Variants in FRMD8 observed in about 807,000 individuals in gnomAD.
FRMD8 encodes the protein FERM domain-containing protein 8.
Under a neutral mutation model 54.2 loss-of-function variants are expected in FRMD8, and 37 were observed. The ratio of observed to expected loss-of-function variants is 0.68; its 90% CI spans 0.53 to 0.90. The LOEUF is 0.90. Among genes scored for constraint, FRMD8 ranks in the 40% least tolerant of loss-of-function variants. FRMD8 has a pLI of 0.00. For missense variants in FRMD8, 585 were observed against 653.7 expected (o/e 0.89, Z 1.15); for synonymous variants, 246 against 286.9 (o/e 0.86, Z 1.44).
At chr11:65,394,799 C>T (rs1448352975) in intron 6 of FRMD8, among the ~76,000 whole-genome samples, 4 of 152,170 alleles carry the variant, frequency 2.6e-5, no homozygotes, top group African/African-American at 7.2e-5. Flanking sequence ...AGGCGGTCGG[C>T]AAGCTGGCTG....
chr11:65,385,736 G>A (rs139263439), upstream of FRMD8, among the ~76,000 whole-genome samples: 2,895 of 152,180 alleles, frequency 0.019, 43 homozygotes, highest in Middle Eastern at 0.065. Flanking sequence ...AAGGGCTCAT[G>A]TCACTGCTCC....
intron 10 of FRMD8, among the ~76,000 whole-genome samples, chr11:65,407,167 T>G (rs1856218444): frequency 6.6e-6 from 1 of 152,100 alleles, no homozygotes; most frequent in Non-Finnish European, 1.5e-5. Flanking sequence ...CTTTACAGCT[T>G]TCCTAGAAAT....
intron 3 of FRMD8, among the ~76,000 whole-genome samples, chr11:65,392,415 T>C (rs553344139): frequency 6.6e-6 from 1 of 152,176 alleles, no homozygotes; most frequent in African/African-American, 2.4e-5. Flanking sequence ...TCGGGAAGCT[T>C]GGAGCAAGCG....
intron 3 of FRMD8, 67 bp downstream of exon 3, chr11:65,389,595 G>A (rs1273729715): frequency 4.1e-6 from 6 of 1,465,282 alleles, no homozygotes; most frequent in Middle Eastern, 1.8e-4. Context: ...CAGGAGGGAG[G>A]GGGCAGTGTT....
rs368753100 is a variant in FRMD8 at position 65,404,825 on chromosome 11, G to C, written c.1072-39G>C. 2.1e-5 allele frequency: 33 copies of C among 1,552,590 alleles called. No homozygotes were observed. The African/African-American group carries it at 3.9e-4, about 18-fold the overall frequency. On this transcript the variant is annotated intron_variant, in intron 9 of 10. Transcript: ENST00000317568. This position sits in a 1 kb window ranked among gnomAD's most constrained non-coding sequence, Gnocchi z 4.7. Reference sequence around the variant, plus strand: ...CAGGCTCAGCAACAGGCATGGAAGGGGGCCCTGGCCAGGCCTCACACTGCC... The same window carrying C: ...CAGGCTCAGCAACAGGCATGGAAGGCGGCCCTGGCCAGGCCTCACACTGCC...
the FRMD8 span, chr11:65,375,127 G>A: frequency 9.8e-3 from 1,497 of 152,404 alleles, 13 homozygotes; most frequent in Non-Finnish European, 0.014. Context: ...ACAGAAAGCT[G>A]TGTGGCAAGA....
the FRMD8 span, among the ~76,000 whole-genome samples, chr11:65,374,360 A>ATGTGCCCAGGTGG: frequency 3.3e-5 from 5 of 152,028 alleles, no homozygotes; most frequent in African/African-American, 4.8e-5. Context: ...CAGGGTAGCT[A>ATGTGCCCAGGTGG]AGTAACTGGA....
chr11:65,413,276 C>G lies in FRMD8; in HGVS notation c.*1916C>G, dbSNP rs527955525. 1 of 152,374 alleles carries G rather than the reference C, an allele frequency of 6.6e-6. No individual in the cohort carries two copies. Among genetic ancestry groups the G allele is most frequent in the African/African-American group, 2.4e-5 (1 of 41,558 alleles). The allele number at this position is 152,374 out of a possible 1,614,324, so 9.4% of individuals were successfully genotyped here. A position where few individuals can be genotyped will look rare whatever the true frequency, so the allele number is the denominator to read the frequency against. ...TGCTGGGATTATAGGCGTGAGCCAC[C>G]GCCCCCAGCTGATTCCAGGCGAATT... On this transcript the variant is annotated 3_prime_UTR_variant, in exon 11 of 11. Transcript: ENST00000317568.
the FRMD8 span, chr11:65,376,657 A>C: frequency 1.2e-6 from 2 of 1,613,872 alleles, no homozygotes; most frequent in Non-Finnish European, 1.7e-6. Context: ...GCCCCCTGCC[A>C]CCAGCACCGT....
At chr11:65,388,468 G>C (rs1050148136) in intron 2 of FRMD8, among the ~76,000 whole-genome samples, 7 of 152,160 alleles carry the variant, frequency 4.6e-5, no homozygotes, top group African/African-American at 1.7e-4. Flanking sequence ...AGGAGTATTA[G>C]CTCTACTTTT....
At chr11:65,380,774 G>A in the FRMD8 span, 16 of 355,816 alleles carry the variant, frequency 4.5e-5, no homozygotes, top group Admixed American at 1.2e-4. Context: ...GGTTCAGAAC[G>A]TCCCTCTCTT....
At chr11:65,387,864 T>G (rs1590645621) in intron 2 of FRMD8, among the ~76,000 whole-genome samples, 1 of 151,784 alleles carries the variant, frequency 6.6e-6, no homozygotes, top group Admixed American at 6.6e-5. Flanking sequence ...CCAAACAGCC[T>G]TTTGAAAGCA....
chr11:65,389,302 G>T, intron 2 of FRMD8, 59 bp from the exon 3 acceptor site: 9 of 1,570,558 alleles, frequency 5.7e-6, no homozygotes, highest in Admixed American at 1.7e-5. Flanking sequence ...TGCCTGGTTG[G>T]CCTGGCCTGG....
chr11:65,390,368 A>G (rs1855819549), intron 3 of FRMD8, among the ~76,000 whole-genome samples: 1 of 152,078 alleles, frequency 6.6e-6, no homozygotes, highest in Non-Finnish European at 1.5e-5. Context: ...GAGTTTTCTT[A>G]GCTTACACAT....
At chr11:65,386,635 G>A, upstream of FRMD8, 1 of 195,502 alleles carries the variant, frequency 5.1e-6, no homozygotes, top group Non-Finnish European at 1.0e-5. Flanking sequence ...CGTGGCTTCC[G>A]CGTCGCTTCC....
chr11:65,385,898 C>T (rs1356489087), upstream of FRMD8, among the ~76,000 whole-genome samples: 1 of 152,008 alleles, frequency 6.6e-6, no homozygotes, highest in Non-Finnish European at 1.5e-5. Flanking sequence ...GGGGTTCACA[C>T]CATTCTCCTG....
At chr11:65,395,400 A>G (rs1478239442) in intron 6 of FRMD8, among the ~76,000 whole-genome samples, 1 of 150,838 alleles carries the variant, frequency 6.6e-6, no homozygotes, top group Non-Finnish European at 1.5e-5. Flanking sequence ...TTATCTGGGC[A>G]AGGTGGTGCA....
chr11:65,407,853 C>G (rs1856238042), intron 10 of FRMD8, among the ~76,000 whole-genome samples: 1 of 141,490 alleles, frequency 7.1e-6, no homozygotes. Flanking sequence ...CACTGCACTC[C>G]AGCCTGGGCG....
At chr11:65,377,708 C>G in the FRMD8 span, 1 of 152,860 alleles carries the variant, frequency 6.5e-6, no homozygotes, top group African/African-American at 2.4e-5. Context: ...AGATGCTACA[C>G]AGATTTGGGA....
Sources: allele counts gnomAD v4.1 joint callset (sites outside exome capture counted in the v4.1 genomes callset), GRCh38; gene constraint gnomAD v4.1.1; non-coding constraint Gnocchi (gnomAD v3.1); transcripts MANE v1.5; gene names NCBI Gene and HGNC (gene_info 2026-07-23, HGNC 2026-07-21).